Variants in LRRTM4 observed in about 807,000 individuals in gnomAD.
The protein encoded by LRRTM4 is leucine rich repeat transmembrane neuronal 4, also known as leucine-rich repeat transmembrane neuronal protein 4.
A neutral mutation model predicts 47.6 loss-of-function variants in LRRTM4; 25 were observed. The observed-to-expected ratio is 0.53, with a 90% CI of 0.38 to 0.73. LRRTM4 has a LOEUF of 0.73. Among genes scored for constraint, LRRTM4 ranks in the 30% least tolerant of loss-of-function variants. LRRTM4 has a pLI of 0.00. For synonymous variants in LRRTM4, 311 were observed against 269.5 expected (o/e 1.15, Z -1.51); for missense variants, 638 against 713.4 (o/e 0.89, Z 1.20).
intron 3 of LRRTM4, among the ~76,000 whole-genome samples, chr2:77,246,388 T>G (rs185936353): frequency 6.6e-6 from 1 of 152,280 alleles, no homozygotes; most frequent in East Asian, 1.9e-4. Flanking sequence ...ACTACAAAGG[T>G]AAATAATTGA....
At chr2:77,191,619 T>C (rs927118487) in intron 3 of LRRTM4, among the ~76,000 whole-genome samples, 11 of 151,988 alleles carry the variant, frequency 7.2e-5, no homozygotes, top group African/African-American at 2.4e-4. Context: ...AAACACTATA[T>C]ATGCTAAATT....
chr2:77,247,109 T>C (rs1675468868), intron 3 of LRRTM4, among the ~76,000 whole-genome samples: 1 of 152,084 alleles, frequency 6.6e-6, no homozygotes, highest in African/African-American at 2.4e-5. Flanking sequence ...TGTTATTAAT[T>C]ATATTGAATG....
chr2:77,074,821 G>A (rs1486426640), intron 3 of LRRTM4, among the ~76,000 whole-genome samples: 1 of 152,146 alleles, frequency 6.6e-6, no homozygotes, highest in Admixed American at 6.5e-5. Flanking sequence ...CTGAAAAGTT[G>A]TGTCAGAATT....
chr2:77,068,828 TA>T lies in LRRTM4; in HGVS notation c.1552-319913del, dbSNP rs1477240254. Among the ~76,000 whole-genome samples, 7 of 152,182 alleles carry T rather than the reference TA, an allele frequency of 4.6e-5. 1 individual carries two copies. Among genetic ancestry groups the T allele is most frequent in the Non-Finnish European group, 7.3e-5 (5 of 68,046 alleles). On this transcript the variant is annotated intron_variant, in intron 3 of 3. Transcript: ENST00000409884. ...CACTGTAACATGTTCATGATGGCCATAAGGCCTACGCTGGAAGGTTGTGGGT... is the reference window on the plus strand; with the variant it reads ...CACTGTAACATGTTCATGATGGCCATAGGCCTACGCTGGAAGGTTGTGGGT...
intron 3 of LRRTM4, among the ~76,000 whole-genome samples, chr2:77,143,524 G>A (rs1672178865): frequency 6.6e-6 from 1 of 152,088 alleles, no homozygotes; most frequent in African/African-American, 2.4e-5. Flanking sequence ...TCAATATTGT[G>A]ATCTGTGCTT....
chr2:76,770,562 G>A (rs1381776697), intron 3 of LRRTM4, among the ~76,000 whole-genome samples: 2 of 152,068 alleles, frequency 1.3e-5, no homozygotes, highest in South Asian at 2.1e-4. Context: ...TTTTAATTTC[G>A]GGATGAAAAG....
At chr2:76,776,578 G>T (rs1277570069) in intron 3 of LRRTM4, among the ~76,000 whole-genome samples, 1 of 152,126 alleles carries the variant, frequency 6.6e-6, no homozygotes, top group South Asian at 2.1e-4. Flanking sequence ...GTCTGTTCAT[G>T]ACCTTTGCCC....
At chr2:77,175,759 C>G (rs967634767) in intron 3 of LRRTM4, among the ~76,000 whole-genome samples, 2 of 151,962 alleles carry the variant, frequency 1.3e-5, no homozygotes, top group Non-Finnish European at 2.9e-5. Context: ...AATCCTTTGA[C>G]TCTGCCAGAC....
intron 3 of LRRTM4, among the ~76,000 whole-genome samples, chr2:76,823,703 A>G (rs1382790681): frequency 6.6e-6 from 1 of 151,444 alleles, no homozygotes; most frequent in Non-Finnish European, 1.5e-5. Context: ...TAAACAAAAT[A>G]AAAGCATAAG....
At chr2:77,007,623 A>G (rs62170866) in intron 3 of LRRTM4, among the ~76,000 whole-genome samples, 18,857 of 152,238 alleles carry the variant, frequency 0.12, 1,444 homozygotes, top group Admixed American at 0.2. Flanking sequence ...TAACTTGTAC[A>G]TTTGGCTGAC....
chr2:76,858,336 C>T (rs1672214476), intron 3 of LRRTM4, among the ~76,000 whole-genome samples: 1 of 152,166 alleles, frequency 6.6e-6, no homozygotes, highest in Non-Finnish European at 1.5e-5. Context: ...TCTTTTCAAA[C>T]TGAGACATTG....
At chr2:76,841,365 T>G (rs1453486665) in intron 3 of LRRTM4, among the ~76,000 whole-genome samples, 1 of 151,846 alleles carries the variant, frequency 6.6e-6, no homozygotes, top group Non-Finnish European at 1.5e-5. Context: ...ACATGGCACA[T>G]GTATACATAT....
intron 3 of LRRTM4, among the ~76,000 whole-genome samples, chr2:76,951,902 T>A (rs1202950572): frequency 2.0e-5 from 3 of 151,920 alleles, no homozygotes; most frequent in Non-Finnish European, 4.4e-5. Context: ...TGTTCCTATG[T>A]TAGTTTGCTG....
At chr2:76,871,592 T>A (rs1341209408) in intron 3 of LRRTM4, among the ~76,000 whole-genome samples, 1 of 152,206 alleles carries the variant, frequency 6.6e-6, no homozygotes, top group African/African-American at 2.4e-5. Context: ...CTATGATATC[T>A]TCCTTTTGGC....
intron 3 of LRRTM4, among the ~76,000 whole-genome samples, chr2:77,452,574 A>G (rs139267920): frequency 2.0e-3 from 300 of 152,356 alleles, no homozygotes; most frequent in African/African-American, 7.0e-3. Context: ...GGGAGACCAG[A>G]TGTGCAACCT....
chr2:76,896,186 T>C (rs2103728549), intron 3 of LRRTM4, among the ~76,000 whole-genome samples: 1 of 152,046 alleles, frequency 6.6e-6, no homozygotes, highest in East Asian at 1.9e-4. Flanking sequence ...GGTTAGAGTT[T>C]TTCTCCATCT....
intron 3 of LRRTM4, among the ~76,000 whole-genome samples, chr2:77,006,864 T>C (rs1261901370): frequency 6.6e-6 from 1 of 152,066 alleles, no homozygotes; most frequent in Non-Finnish European, 1.5e-5. Context: ...CAGACCTTAA[T>C]CCTGTGGAGA....
chr2:77,209,487 T>C (rs1674233745), intron 3 of LRRTM4, among the ~76,000 whole-genome samples: 1 of 151,250 alleles, frequency 6.6e-6, no homozygotes, highest in African/African-American at 2.4e-5. Context: ...AGCACAAAAA[T>C]TGCAATTCTT....
At chr2:77,312,616 A>T (rs1677488079) in intron 3 of LRRTM4, among the ~76,000 whole-genome samples, 1 of 152,218 alleles carries the variant, frequency 6.6e-6, no homozygotes, top group East Asian at 1.9e-4. Context: ...TTTGGTTCTT[A>T]AAGCACACCA....
Sources: allele counts gnomAD v4.1 joint callset (sites outside exome capture counted in the v4.1 genomes callset), GRCh38; gene constraint gnomAD v4.1.1; transcripts MANE v1.5; gene names NCBI Gene and HGNC (gene_info 2026-07-23, HGNC 2026-07-21).